AK8: variants seen among roughly 807,000 people sequenced by gnomAD.
AK8 encodes the protein adenylate kinase 8, also known as ATP-AMP transphosphorylase 8.
In AK8, 44 loss-of-function variants were observed where a neutral mutation model predicts 54.6. The observed-to-expected ratio is 0.81, with a 90% CI of 0.63 to 1.04. The LOEUF is 1.04. Ranked by LOEUF, AK8 falls within the 50% of genes least tolerant of loss-of-function variation. The pLI is 0.00. For missense variants in AK8, 555 were observed against 613.6 expected (o/e 0.90, Z 1.01); for synonymous variants, 239 against 245.6 (o/e 0.97, Z 0.25).
chr9:132,873,065 G>A (rs762937681), intron 2 of AK8, among the ~76,000 whole-genome samples: 9 of 152,062 alleles, frequency 5.9e-5, no homozygotes, highest in Non-Finnish European at 8.8e-5. Flanking sequence ...CGCCCACCTC[G>A]GCCTCCCAAA....
At chr9:132,765,019 G>A (rs531601368) in intron 11 of AK8, among the ~76,000 whole-genome samples, 3 of 152,228 alleles carry the variant, frequency 2.0e-5, no homozygotes, top group African/African-American at 4.8e-5. Context: ...CCAGCTGGGC[G>A]TGGTGGCTCA....
chr9:132,852,846 T>G (rs1310619499), intron 5 of AK8, among the ~76,000 whole-genome samples: 1 of 148,642 alleles, frequency 6.7e-6, no homozygotes, highest in Non-Finnish European at 1.5e-5. Flanking sequence ...CTCAGGGACC[T>G]GTGGGACAAC....
At chr9:132,836,683 G>C (rs1842336304) in intron 5 of AK8, among the ~76,000 whole-genome samples, 1 of 152,160 alleles carries the variant, frequency 6.6e-6, no homozygotes, top group Non-Finnish European at 1.5e-5. Context: ...GCCCAGCTGG[G>C]ACAGACACAT....
At chr9:132,798,411 T>C (rs1300516357) in intron 10 of AK8, among the ~76,000 whole-genome samples, 1 of 152,220 alleles carries the variant, frequency 6.6e-6, no homozygotes, top group African/African-American at 2.4e-5. Context: ...CTTGGTTCAC[T>C]GTGCTCTGCC....
At chr9:132,867,375 G>A (rs780388157) in intron 2 of AK8, among the ~76,000 whole-genome samples, 5 of 152,318 alleles carry the variant, frequency 3.3e-5, no homozygotes, top group Admixed American at 6.5e-5. Flanking sequence ...TATTCCCCAT[G>A]ATTTTACAGA....
At chr9:132,741,393 T>C (rs916027428) in intron 11 of AK8, among the ~76,000 whole-genome samples, 1 of 152,224 alleles carries the variant, frequency 6.6e-6, no homozygotes, top group Non-Finnish European at 1.5e-5. Flanking sequence ...TAACAAGCAC[T>C]TAGCTTGACA....
intron 4 of AK8, among the ~76,000 whole-genome samples, chr9:132,857,636 C>T (rs1359064312): frequency 1.3e-5 from 2 of 152,184 alleles, no homozygotes; most frequent in African/African-American, 2.4e-5. Context: ...GATTCCTCTG[C>T]CCTCCCTGAC....
chr9:132,821,181 C>T (rs1841583923), intron 9 of AK8, among the ~76,000 whole-genome samples: 1 of 151,930 alleles, frequency 6.6e-6, no homozygotes, highest in South Asian at 2.1e-4. Flanking sequence ...AAACAGAGCA[C>T]CGAGACAATT....
chr9:132,873,224 C>A (rs1473677491), intron 2 of AK8, among the ~76,000 whole-genome samples: 1 of 152,238 alleles, frequency 6.6e-6, no homozygotes, highest in African/African-American at 2.4e-5. Context: ...AACTAGACGT[C>A]ATATTCCTGG....
At position 132,840,406 on chromosome 9, in the gene AK8, T is replaced by TCACACA. The variant is rs55856402; in HGVS notation, c.403-11686_403-11681dup. Among the ~76,000 whole-genome samples, 1,084 of 143,122 alleles carry TCACACA rather than the reference T, an allele frequency of 7.6e-3. 12 individuals are homozygous for TCACACA. Among genetic ancestry groups the TCACACA allele is most frequent in the African/African-American group, 0.016 (622 of 38,356 alleles). 93.9% of individuals were successfully genotyped at this position (143,122 alleles called of 152,430 possible). A position where few individuals can be genotyped will look rare whatever the true frequency, so the allele number is the denominator to read the frequency against. On this transcript the variant is annotated intron_variant, in intron 5 of 12. Transcript: ENST00000298545. The stretch of plus-strand genomic sequence containing the variant: ...GTGGGACTCAATCCCAAGTGGACAC[T>TCACACA]CACACACACACACACACACACACAC...
At chr9:132,754,178 C>T (rs866567007) in intron 11 of AK8, among the ~76,000 whole-genome samples, 2 of 152,228 alleles carry the variant, frequency 1.3e-5, no homozygotes, top group African/African-American at 4.8e-5. Context: ...GACGGCACAA[C>T]ACGCAAGGTC....
At chr9:132,730,041 G>A (rs943486190) in intron 11 of AK8, among the ~76,000 whole-genome samples, 4 of 152,280 alleles carry the variant, frequency 2.6e-5, no homozygotes, top group Non-Finnish European at 2.9e-5. Flanking sequence ...GGCTAGCTGC[G>A]TCATGTTAGG....
At chr9:132,786,040 G>A (rs1038447516) in intron 11 of AK8, among the ~76,000 whole-genome samples, 1 of 152,178 alleles carries the variant, frequency 6.6e-6, no homozygotes, top group Admixed American at 6.5e-5. Flanking sequence ...TTTCGATGCT[G>A]GAAAGCAGAC....
At chr9:132,772,536 T>A (rs1421473180) in intron 11 of AK8, among the ~76,000 whole-genome samples, 2 of 152,202 alleles carry the variant, frequency 1.3e-5, no homozygotes, top group African/African-American at 2.4e-5. Context: ...TGCTGGCACC[T>A]TGATCTTGGG....
At chr9:132,795,225 G>A (rs910271532) in intron 10 of AK8, among the ~76,000 whole-genome samples, 1 of 152,178 alleles carries the variant, frequency 6.6e-6, no homozygotes, top group African/African-American at 2.4e-5. Flanking sequence ...AGAAGGAGTC[G>A]GAGTCAGAGT....
chr9:132,824,375 C>T (rs1841788077), intron 8 of AK8, among the ~76,000 whole-genome samples: 1 of 152,234 alleles, frequency 6.6e-6, no homozygotes, highest in Admixed American at 6.5e-5. Context: ...CACCTTCCTG[C>T]CAGTCTGCCT....
chr9:132,863,463 G>A (rs573034063), intron 4 of AK8, among the ~76,000 whole-genome samples: 5 of 152,196 alleles, frequency 3.3e-5, no homozygotes, highest in Admixed American at 2.0e-4. Flanking sequence ...AACTCACCTC[G>A]GTACCCAACA....
At chr9:132,847,387 G>A (rs1422201746) in intron 5 of AK8, among the ~76,000 whole-genome samples, 1 of 152,152 alleles carries the variant, frequency 6.6e-6, no homozygotes. Flanking sequence ...CATTTTTTAG[G>A]TGCGTGTTAT....
intron 5 of AK8, among the ~76,000 whole-genome samples, chr9:132,839,101 A>C (rs1842436677): frequency 6.6e-6 from 1 of 151,572 alleles, no homozygotes; most frequent in African/African-American, 2.4e-5. Context: ...CCACCACCAC[A>C]CCTGGCTAAT....
Sources: gnomAD v4.1 joint callset for allele counts (sites outside exome capture counted in the v4.1 genomes callset) on GRCh38, gnomAD v4.1.1 for gene constraint, MANE v1.5 for transcripts, NCBI Gene and HGNC (gene_info 2026-07-23, HGNC 2026-07-21) for gene names.